JDP2: variants seen among roughly 807,000 people sequenced by gnomAD.
JDP2 encodes Jun dimerization protein 2.
A neutral mutation model predicts 17.1 loss-of-function variants in JDP2; 9 were observed. The ratio of observed to expected loss-of-function variants is 0.53; its 90% CI spans 0.32 to 0.92. The LOEUF is 0.92. Ranked by LOEUF, JDP2 falls within the 40% of genes least tolerant of loss-of-function variation. The pLI, the probability that JDP2 is intolerant of heterozygous loss-of-function variation, is 0.04. For synonymous variants in JDP2, 107 were observed against 95.6 expected (o/e 1.12, Z -0.69); for missense variants, 179 against 220.0 (o/e 0.81, Z 1.18).
intron 3 of JDP2, among the ~76,000 whole-genome samples, chr14:75,468,554 G>A (rs142444904): frequency 3.3e-5 from 5 of 152,096 alleles, no homozygotes; most frequent in Admixed American, 1.3e-4. Context: ...GAATCAAATC[G>A]TCAACATTCC....
At chr14:75,450,342 G>A (rs1262375338) in intron 2 of JDP2, among the ~76,000 whole-genome samples, 1 of 152,228 alleles carries the variant, frequency 6.6e-6, no homozygotes, top group Admixed American at 6.5e-5. Context: ...TTGAGTTCCT[G>A]GCCTGAGGAT....
At chr14:75,453,530 G>A (rs1028015231) in intron 2 of JDP2, among the ~76,000 whole-genome samples, 1 of 152,240 alleles carries the variant, frequency 6.6e-6, no homozygotes, top group South Asian at 2.1e-4. Context: ...CCTTGCCTGC[G>A]AAGGAAGGCA....
chr14:75,445,631 CTACCTAG>C, intron 2 of JDP2: 1 of 969,584 alleles, frequency 1.0e-6, no homozygotes, highest in Non-Finnish European at 1.2e-6. Context: ...AAATAGACCC[CTACCTAG>C]TACCTAGTAC....
chr14:75,453,015 G>T (rs1328163660), intron 2 of JDP2, among the ~76,000 whole-genome samples: 2 of 152,212 alleles, frequency 1.3e-5, no homozygotes, highest in Admixed American at 1.3e-4. Context: ...GGGAGGGCCT[G>T]GCCCCTGCAG....
intron 2 of JDP2, among the ~76,000 whole-genome samples, chr14:75,439,968 G>C (rs1594951224): frequency 6.6e-6 from 1 of 152,206 alleles, no homozygotes; most frequent in Admixed American, 6.5e-5. Flanking sequence ...ATTCGCCTGG[G>C]GGGCTGAGTT....
chr14:75,459,476 G>C (rs915622532), intron 2 of JDP2, among the ~76,000 whole-genome samples: 1 of 152,198 alleles, frequency 6.6e-6, no homozygotes, highest in Non-Finnish European at 1.5e-5. Flanking sequence ...CTCAGAGGTG[G>C]TGAGGAGGCA....
intron 1 of JDP2, among the ~76,000 whole-genome samples, chr14:75,436,670 G>C (rs548905953): frequency 6.6e-6 from 1 of 152,232 alleles, no homozygotes; most frequent in Admixed American, 6.5e-5. Context: ...GTAGGTAGGA[G>C]GAGCCCTTTA....
At chr14:75,445,878 A>C (rs1354936608) in intron 2 of JDP2, among the ~76,000 whole-genome samples, 3 of 152,220 alleles carry the variant, frequency 2.0e-5, no homozygotes, top group Non-Finnish European at 4.4e-5. Context: ...AAATCCACAG[A>C]ATGAGAGAAA....
chr14:75,448,833 T>C (rs1885724233), intron 2 of JDP2, among the ~76,000 whole-genome samples: 2 of 152,204 alleles, frequency 1.3e-5, no homozygotes. Context: ...TCTGGTCTGA[T>C]AACTGAGGAT....
At chr14:75,453,285 T>C (rs976463733) in intron 2 of JDP2, among the ~76,000 whole-genome samples, 4 of 152,116 alleles carry the variant, frequency 2.6e-5, no homozygotes, top group African/African-American at 9.7e-5. Flanking sequence ...CATGGGTCCC[T>C]GGTGTTGAAA....
At chr14:75,463,174 G>T (rs1466954202) in intron 3 of JDP2, among the ~76,000 whole-genome samples, 1 of 152,268 alleles carries the variant, frequency 6.6e-6, no homozygotes, top group East Asian at 1.9e-4. Flanking sequence ...GGTGCCCAAT[G>T]AATGGCACTC....
At chr14:75,427,354 G>A (rs557747939), upstream of JDP2, 42 of 152,554 alleles carry the variant, frequency 2.8e-4, no homozygotes, top group African/African-American at 1.0e-3. This position sits in a 1 kb window ranked among gnomAD's most constrained non-coding sequence, Gnocchi z 4.4. Context: ...GCCGTCTCGG[G>A]GCCTAAGGGC....
At chr14:75,462,425 T>C (rs1886382262) in intron 3 of JDP2, among the ~76,000 whole-genome samples, 1 of 152,242 alleles carries the variant, frequency 6.6e-6, no homozygotes, top group Admixed American at 6.5e-5. Flanking sequence ...TTGGGTGCTG[T>C]GCTGAATGCT....
At chr14:75,443,178 C>T (rs775721056) in intron 2 of JDP2, among the ~76,000 whole-genome samples, 7 of 152,066 alleles carry the variant, frequency 4.6e-5, no homozygotes, top group Non-Finnish European at 1.0e-4. Context: ...TTCACTCAGC[C>T]CCAGGTGGTC....
intron 2 of JDP2, among the ~76,000 whole-genome samples, chr14:75,451,567 C>T (rs569750218): frequency 1.3e-5 from 2 of 152,198 alleles, no homozygotes; most frequent in South Asian, 2.1e-4. Flanking sequence ...ATCCACAGGC[C>T]GTGCGTATCG....
At chr14:75,432,492 C>T (rs963436754) in intron 1 of JDP2, among the ~76,000 whole-genome samples, 1 of 152,230 alleles carries the variant, frequency 6.6e-6, no homozygotes, top group Admixed American at 6.5e-5. Flanking sequence ...TGCCCATGCC[C>T]TGCCGTCGAC....
Position 75,430,814 on chromosome 14 carries a change from G to GTGTGTGGTTCT in JDP2, c.-24+2568_-24+2569insGTTCTTGTGTG, listed in dbSNP as rs1314772140. The stretch of plus-strand genomic sequence containing the variant: ...CATGTGTGTGCACATGCGTTCTTGT[G>GTGTGTGGTTCT]TGTGTGTGTGGTTTGGCCTCTCGGA... On this transcript the variant is annotated intron_variant, in intron 1 of 3. Transcript: ENST00000651602. The surrounding 1 kb of genome is among the most constrained non-coding windows in gnomAD (Gnocchi z 4.5). Among the ~76,000 whole-genome samples the GTGTGTGGTTCT allele has an allele frequency of 6.6e-6, 1 of 152,156 alleles. No individual in the cohort carries two copies. The highest frequency in any genetic ancestry group is 2.4e-5 in the African/African-American group (1 of 41,442).
At chr14:75,438,634 C>T (rs1212020719) in intron 2 of JDP2, among the ~76,000 whole-genome samples, 1 of 152,220 alleles carries the variant, frequency 6.6e-6, no homozygotes, top group African/African-American at 2.4e-5. Context: ...AGTAGCGTGG[C>T]CTCCCTTCCC....
intron 2 of JDP2, among the ~76,000 whole-genome samples, chr14:75,451,571 CG>C (rs1471508164): frequency 6.6e-6 from 1 of 152,058 alleles, no homozygotes; most frequent in Non-Finnish European, 1.5e-5. Context: ...ACAGGCCGTG[CG>C]TATCGAGTGA....
Sources: gnomAD v4.1 joint callset for allele counts (sites outside exome capture counted in the v4.1 genomes callset) on GRCh38, gnomAD v4.1.1 for gene constraint, Gnocchi (gnomAD v3.1) non-coding constraint, MANE v1.5 for transcripts, NCBI Gene and HGNC (gene_info 2026-07-23, HGNC 2026-07-21) for gene names.